Variants in PTPRT observed in about 807,000 individuals in gnomAD.
PTPRT encodes the protein receptor-type tyrosine-protein phosphatase T.
In PTPRT, 56 loss-of-function variants were observed where a neutral mutation model predicts 176.8. The observed-to-expected ratio is 0.32, with a 90% CI of 0.26 to 0.40. PTPRT has a LOEUF of 0.40. PTPRT is among the 10% of genes least tolerant of loss of function. PTPRT has a pLI of 1.00. For missense variants in PTPRT, 1,540 were observed against 1,908.2 expected, an observed-to-expected ratio of 0.81 and a Z score of 3.60; for synonymous variants, 783 against 739.0, an observed-to-expected ratio of 1.06 and a Z score of -0.96.
intron 7 of PTPRT, among the ~76,000 whole-genome samples, chr20:42,487,709 A>C (rs2071487893): frequency 6.6e-6 from 1 of 152,174 alleles, no homozygotes; most frequent in Non-Finnish European, 1.5e-5. Flanking sequence ...TCTCCCCCAG[A>C]GTCGACGGAA....
At chr20:42,878,830 C>T (rs767164260) in intron 2 of PTPRT, among the ~76,000 whole-genome samples, 6 of 152,066 alleles carry the variant, frequency 3.9e-5, no homozygotes, top group Non-Finnish European at 8.8e-5. Context: ...AGATTGAGAC[C>T]ATCCTGGCTA....
chr20:42,681,320 G>A (rs1006998379), intron 6 of PTPRT, among the ~76,000 whole-genome samples: 5 of 152,134 alleles, frequency 3.3e-5, no homozygotes, highest in South Asian at 2.1e-4. Flanking sequence ...AGCACTGAGC[G>A]CATGAAATTT....
chr20:43,013,758 T>G (rs554895094), intron 1 of PTPRT, among the ~76,000 whole-genome samples: 1 of 152,308 alleles, frequency 6.6e-6, no homozygotes, highest in African/African-American at 2.4e-5. Flanking sequence ...TACCCTACAC[T>G]GTGCTATCCC....
chr20:43,046,682 A>G (rs529696477), intron 1 of PTPRT, among the ~76,000 whole-genome samples: 1 of 152,256 alleles, frequency 6.6e-6, no homozygotes, highest in South Asian at 2.1e-4. Context: ...CCCTGGACCC[A>G]AGGAACCAGC....
In PTPRT at chr20:42,268,305, C is replaced by T. The variant is rs192479402; in HGVS notation, c.2176+14184G>A. Among the ~76,000 whole-genome samples the T allele has an allele frequency of 2.4e-4, 37 of 152,266 alleles. 1 individual carries two copies. The South Asian group carries it at 5.4e-3, about 22-fold the overall frequency. On this transcript the variant is annotated intron_variant, in intron 13 of 30. Transcript: ENST00000373187. ...ACCTGTCAGAGGAGGAACATTCAGA[C>T]GCCTTAGAAGACAAGAGGTAAGAAC...
intron 1 of PTPRT, among the ~76,000 whole-genome samples, chr20:42,965,625 A>G (rs1198863151): frequency 1.3e-5 from 2 of 152,216 alleles, no homozygotes; most frequent in South Asian, 2.1e-4. Context: ...AAAGTCCCCA[A>G]TAATCTTAAC....
intron 4 of PTPRT, 124 bp from the exon 5 acceptor site, chr20:42,771,674 G>A (rs575991349): frequency 4.4e-5 from 32 of 722,326 alleles, no homozygotes; most frequent in Middle Eastern, 3.6e-4. Flanking sequence ...GAAGTAGCCC[G>A]GCTCAGTCAA....
At chr20:42,730,316 A>G (rs533194604) in intron 6 of PTPRT, among the ~76,000 whole-genome samples, 1 of 152,326 alleles carries the variant, frequency 6.6e-6, no homozygotes, top group Admixed American at 6.5e-5. Context: ...TGGCATGAGT[A>G]GGAAGTGAAT....
chr20:42,336,764 G>A (rs986142558), intron 11 of PTPRT, among the ~76,000 whole-genome samples: 7 of 152,094 alleles, frequency 4.6e-5, no homozygotes, highest in Non-Finnish European at 7.4e-5. Context: ...TAAGAATTAC[G>A]CAAAAAGCTG....
chr20:42,411,517 CAAAAAAAA>C (rs10591184), intron 9 of PTPRT, among the ~76,000 whole-genome samples: 3 of 88,342 alleles, frequency 3.4e-5, no homozygotes, highest in Non-Finnish European at 6.5e-5. Flanking sequence ...AACCCTGTCT[CAAAAAAAA>C]AAAAAAAAAA....
intron 2 of PTPRT, among the ~76,000 whole-genome samples, chr20:42,862,567 T>A (rs970318940): frequency 1.3e-5 from 2 of 152,206 alleles, no homozygotes; most frequent in African/African-American, 4.8e-5. Flanking sequence ...AGCTGCTTTC[T>A]TAATTCAGAA....
chr20:42,450,055 T>C (rs2070800968), intron 8 of PTPRT, among the ~76,000 whole-genome samples: 1 of 152,238 alleles, frequency 6.6e-6, no homozygotes, highest in African/African-American at 2.4e-5. Context: ...TCTGGGGCCA[T>C]ACATTTCTCT....
intron 6 of PTPRT, among the ~76,000 whole-genome samples, chr20:42,719,904 C>A (rs907576985): frequency 2.0e-5 from 3 of 152,166 alleles, no homozygotes; most frequent in African/African-American, 7.2e-5. Context: ...ACACATCTGA[C>A]AAAGAAGTGG....
chr20:42,600,550 G>A (rs187988892), intron 7 of PTPRT, among the ~76,000 whole-genome samples: 91 of 152,240 alleles, frequency 6.0e-4, no homozygotes, highest in South Asian at 1.7e-3. Context: ...GGCTTTTAGC[G>A]TCCATATCAC....
intron 16 of PTPRT, among the ~76,000 whole-genome samples, chr20:42,190,049 T>G (rs1372153800): frequency 6.6e-6 from 1 of 152,206 alleles, no homozygotes; most frequent in Non-Finnish European, 1.5e-5. Flanking sequence ...TCCTTTAATC[T>G]GTCAGCTAAG....
intron 12 of PTPRT, among the ~76,000 whole-genome samples, chr20:42,287,105 C>T (rs903161936): frequency 2.6e-5 from 4 of 151,766 alleles, no homozygotes; most frequent in Non-Finnish European, 5.9e-5. Flanking sequence ...TGAGGATGTG[C>T]AGAAAAGGGA....
chr20:42,616,550 T>C (rs1418449523), intron 7 of PTPRT, among the ~76,000 whole-genome samples: 1 of 126,360 alleles, frequency 7.9e-6, no homozygotes, highest in Admixed American at 7.5e-5. Context: ...TTTCACAATA[T>C]TGATTCTTCC....
chr20:42,127,311 A>G (rs1370118211), intron 19 of PTPRT, among the ~76,000 whole-genome samples: 1 of 152,164 alleles, frequency 6.6e-6, no homozygotes, highest in African/African-American at 2.4e-5. Flanking sequence ...CCACTGCTGG[A>G]GTTGCTGCCC....
chr20:42,486,829 A>G (rs2071472378), intron 7 of PTPRT, among the ~76,000 whole-genome samples: 2 of 152,154 alleles, frequency 1.3e-5, no homozygotes, highest in South Asian at 2.1e-4. Flanking sequence ...GAGCCGAGCC[A>G]AGCCAACCCA....
Sources: gnomAD v4.1 joint callset for allele counts (sites outside exome capture counted in the v4.1 genomes callset) on GRCh38, gnomAD v4.1.1 for gene constraint, MANE v1.5 for transcripts, NCBI Gene and HGNC (gene_info 2026-07-23, HGNC 2026-07-21) for gene names.